Variants in EML1 observed in about 807,000 individuals in gnomAD.
EML1 encodes EMAP like 1, also known as echinoderm microtubule-associated protein-like 1.
EML1 carries 27 observed loss-of-function variants against 110.4 expected under a neutral mutation model. The ratio of observed to expected loss-of-function variants is 0.24; its 90% CI spans 0.18 to 0.34. The LOEUF (loss-of-function observed/expected upper bound fraction) is 0.34, where lower values mean the gene tolerates loss of function less well. EML1 is among the 10% of genes least tolerant of loss of function. EML1 has a pLI of 1.00. For synonymous variants in EML1, 344 were observed against 385.8 expected (o/e 0.89, Z 1.27); for missense variants, 741 against 1,030.9 (o/e 0.72, Z 3.85).
chr14:99,874,973 T>C (rs150036472), intron 3 of EML1: 25 of 1,613,604 alleles, frequency 1.5e-5, no homozygotes, highest in African/African-American at 4.0e-5. Flanking sequence ...GCAAACTGAA[T>C]AGATCGACAC....
intron 2 of EML1, among the ~76,000 whole-genome samples, chr14:99,855,266 G>A (rs1311583041): frequency 6.6e-6 from 1 of 152,190 alleles, no homozygotes; most frequent in Non-Finnish European, 1.5e-5. Flanking sequence ...CTGAGTAATA[G>A]GATTATGAAT....
At chr14:99,862,548 A>G (rs2059019241) in intron 2 of EML1, among the ~76,000 whole-genome samples, 3 of 152,168 alleles carry the variant, frequency 2.0e-5, no homozygotes, top group Admixed American at 2.0e-4. Context: ...ATTTATATAT[A>G]CTGTAGCATA....
chr14:99,757,403 C>CA (rs2140182430), intron 1 of EML1, among the ~76,000 whole-genome samples: 1 of 152,082 alleles, frequency 6.6e-6, no homozygotes, highest in Non-Finnish European at 1.5e-5. Flanking sequence ...CCAGTGACAG[C>CA]ACAGGTTGTG....
intron 1 of EML1, among the ~76,000 whole-genome samples, chr14:99,823,906 T>C (rs991405001): frequency 1.3e-5 from 2 of 152,138 alleles, no homozygotes; most frequent in African/African-American, 4.8e-5. Flanking sequence ...ACCACAGCTG[T>C]GGTGCATTGT....
At chr14:99,901,687 G>A (rs935507576) in intron 9 of EML1, among the ~76,000 whole-genome samples, 1 of 152,206 alleles carries the variant, frequency 6.6e-6, no homozygotes, top group Non-Finnish European at 1.5e-5. Flanking sequence ...GCTGGTGGGA[G>A]TGTAGCAGTG....
rs188948920 is a variant in EML1 at position 99,892,312 on chromosome 14, G to A, written c.547+1085G>A. ...CCTTGTATGAAAATGTTTTTGTGTTGCAAACCACTTCGATTCATTTTAAGT... is the reference window on the plus strand; with the variant it reads ...CCTTGTATGAAAATGTTTTTGTGTTACAAACCACTTCGATTCATTTTAAGT... On this transcript the variant is annotated intron_variant, in intron 5 of 21. Coordinates refer to ENST00000262233, the MANE Select transcript of EML1 (RefSeq NM_004434.3). 2.5e-4 allele frequency: 149 copies of A among 606,470 alleles called. 2 individuals are homozygous for A. The South Asian group carries it at 3.0e-3, about 12-fold the overall frequency. The allele number at this position is 606,470 out of a possible 1,614,324, so 37.6% of individuals were successfully genotyped here. A position where few individuals can be genotyped will look rare whatever the true frequency, so the allele number is the denominator to read the frequency against.
At chr14:99,908,834 C>T (rs1429171381) in intron 10 of EML1, among the ~76,000 whole-genome samples, 1 of 152,142 alleles carries the variant, frequency 6.6e-6, no homozygotes, top group Non-Finnish European at 1.5e-5. Flanking sequence ...GAGTCAGCCA[C>T]GAACAATGGA....
chr14:99,779,848 A>G (rs1017490811), intron 1 of EML1, among the ~76,000 whole-genome samples: 2 of 152,242 alleles, frequency 1.3e-5, no homozygotes, highest in Non-Finnish European at 2.9e-5. Context: ...CCTATTTAAC[A>G]GATTGAAACT....
rs949810701 is a variant in EML1, at chr14:99,905,079, A to G, written c.1009-2559A>G. Among the ~76,000 whole-genome samples, 4 of 152,172 alleles carry G rather than the reference A, an allele frequency of 2.6e-5. No homozygotes were observed. Among genetic ancestry groups the G allele is most frequent in the Non-Finnish European group, 5.9e-5 (4 of 68,030 alleles). On this transcript the variant is annotated intron_variant, in intron 9 of 21. Transcript: ENST00000262233. This position sits in a 1 kb window ranked among gnomAD's most constrained non-coding sequence, Gnocchi z 4.1. ...GAGAAAGGCCAGAAGTCTGACTGGT[A>G]AGAAATTCTTACCATTTTGCTGGCA...
intron 1 of EML1, among the ~76,000 whole-genome samples, chr14:99,831,604 AC>A (rs755940720): frequency 2.7e-4 from 41 of 152,312 alleles, no homozygotes; most frequent in Middle Eastern, 3.4e-3. Context: ...GGCCTGGAAT[AC>A]AACTATTTTC....
At chr14:99,932,932 A>G (rs937578789) in intron 17 of EML1, among the ~76,000 whole-genome samples, 7 of 152,146 alleles carry the variant, frequency 4.6e-5, no homozygotes, top group African/African-American at 1.7e-4. Context: ...CTTGGGCAAC[A>G]TAGTGAGACC....
At chr14:99,761,135 G>A (rs563507228) in intron 1 of EML1, among the ~76,000 whole-genome samples, 40 of 152,224 alleles carry the variant, frequency 2.6e-4, no homozygotes, top group African/African-American at 9.2e-4. Context: ...CCACCTTACC[G>A]ATGAGAAAAC....
intron 2 of EML1, among the ~76,000 whole-genome samples, chr14:99,852,881 C>T (rs577114308): frequency 3.9e-5 from 6 of 152,136 alleles, no homozygotes; most frequent in African/African-American, 1.2e-4. Context: ...TTTAAGTAAT[C>T]TTTTTTCCTC....
chr14:99,832,142 T>C (rs937429719), intron 1 of EML1, among the ~76,000 whole-genome samples: 1 of 152,202 alleles, frequency 6.6e-6, no homozygotes, highest in African/African-American at 2.4e-5. Context: ...GAATGTACTC[T>C]ATTTTCTGGC....
intron 3 of EML1, chr14:99,875,076 T>C: frequency 8.0e-7 from 1 of 1,253,106 alleles, no homozygotes; most frequent in South Asian, 1.3e-5. Context: ...CAAGGTCTTG[T>C]CCAGTGCCTA....
intron 4 of EML1, chr14:99,886,072 A>C: frequency 3.7e-6 from 1 of 271,032 alleles, no homozygotes; most frequent in Non-Finnish European, 7.4e-6. Flanking sequence ...TTCTTAAATG[A>C]CCCTATTTCT....
At chr14:99,760,383 A>G (rs1293720562) in intron 1 of EML1, among the ~76,000 whole-genome samples, 2 of 152,080 alleles carry the variant, frequency 1.3e-5, no homozygotes, top group East Asian at 1.9e-4. Flanking sequence ...TGTCACAAGC[A>G]TTTCCCACAT....
chr14:99,766,109 A>G (rs1309579791), intron 1 of EML1, among the ~76,000 whole-genome samples: 1 of 151,522 alleles, frequency 6.6e-6, no homozygotes. Flanking sequence ...GGGTGTGCAA[A>G]CACCTATCTG....
chr14:99,864,319 C>A (rs2059055215), intron 2 of EML1, among the ~76,000 whole-genome samples: 1 of 152,256 alleles, frequency 6.6e-6, no homozygotes, highest in South Asian at 2.1e-4. Flanking sequence ...AGTTCTTTTG[C>A]AAATTTTTAA....
Sources: allele counts gnomAD v4.1 joint callset (sites outside exome capture counted in the v4.1 genomes callset), GRCh38; gene constraint gnomAD v4.1.1; non-coding constraint Gnocchi (gnomAD v3.1); transcripts MANE v1.5; gene names NCBI Gene and HGNC (gene_info 2026-07-23, HGNC 2026-07-21).